Variants in CNTN5 observed in about 807,000 individuals in gnomAD.
The protein encoded by CNTN5 is contactin-5.
CNTN5 carries 77 observed loss-of-function variants against 129.1 expected under a neutral mutation model. The ratio of observed to expected loss-of-function variants is 0.60; its 90% CI spans 0.50 to 0.72. The LOEUF (loss-of-function observed/expected upper bound fraction) is 0.72, where lower values mean the gene tolerates loss of function less well. Ranked by LOEUF, CNTN5 falls within the 30% of genes least tolerant of loss-of-function variation. CNTN5 has a pLI of 0.00. For synonymous variants in CNTN5, 509 were observed against 465.6 expected, an observed-to-expected ratio of 1.09 and a Z score of -1.20; for missense variants, 1,478 against 1,328.8, an observed-to-expected ratio of 1.11 and a Z score of -1.75.
At chr11:100,230,169 GA>G (rs1313024827) in intron 16 of CNTN5, among the ~76,000 whole-genome samples, 3 of 152,086 alleles carry the variant, frequency 2.0e-5, no homozygotes, top group Non-Finnish European at 4.4e-5. Flanking sequence ...CAATATTTTT[GA>G]AAACTATAAA....
intron 6 of CNTN5, among the ~76,000 whole-genome samples, chr11:99,896,478 G>A (rs1006668723): frequency 3.3e-5 from 5 of 152,124 alleles, no homozygotes; most frequent in African/African-American, 1.2e-4. Flanking sequence ...CAGAGGAGTA[G>A]CAGGCACGTG....
chr11:99,109,477 T>C (rs1249080307), intron 1 of CNTN5, among the ~76,000 whole-genome samples: 1 of 152,080 alleles, frequency 6.6e-6, no homozygotes, highest in Non-Finnish European at 1.5e-5. Flanking sequence ...TAAGGGACTT[T>C]CCAAGGTCAC....
At chr11:100,266,013 G>A (rs1049136953) in intron 17 of CNTN5, among the ~76,000 whole-genome samples, 2 of 152,068 alleles carry the variant, frequency 1.3e-5, no homozygotes, top group African/African-American at 4.8e-5. Flanking sequence ...TATTCTATCA[G>A]TGGATATGTC....
At chr11:99,952,260 G>A (rs1950694015) in intron 7 of CNTN5, among the ~76,000 whole-genome samples, 1 of 152,122 alleles carries the variant, frequency 6.6e-6, no homozygotes, top group Non-Finnish European at 1.5e-5. Flanking sequence ...AATAATTGTA[G>A]TGAAAATTTT....
chr11:99,857,676 C>G (rs1354417841), intron 6 of CNTN5, among the ~76,000 whole-genome samples: 1 of 151,928 alleles, frequency 6.6e-6, no homozygotes, highest in Non-Finnish European at 1.5e-5. Context: ...TCTTACATAT[C>G]ATATTCGATG....
At chr11:100,039,361 T>C (rs1942239476) in intron 9 of CNTN5, among the ~76,000 whole-genome samples, 1 of 152,228 alleles carries the variant, frequency 6.6e-6, no homozygotes, top group African/African-American at 2.4e-5. Context: ...TGGGCTTCCC[T>C]TTGAGGGTAA....
chr11:99,374,394 A>G (rs558854232), intron 2 of CNTN5, among the ~76,000 whole-genome samples: 32 of 152,360 alleles, frequency 2.1e-4, no homozygotes, highest in Middle Eastern at 3.4e-3. Context: ...CTACTTAATT[A>G]ACTTCCCTTG....
intron 2 of CNTN5, among the ~76,000 whole-genome samples, chr11:99,341,376 A>G (rs547530715): frequency 6.6e-6 from 1 of 152,296 alleles, no homozygotes; most frequent in South Asian, 2.1e-4. Context: ...ATCTCATTTT[A>G]TATTATTTCA....
chr11:99,579,357 T>G (rs1949487104), intron 3 of CNTN5, among the ~76,000 whole-genome samples: 1 of 151,608 alleles, frequency 6.6e-6, no homozygotes. Flanking sequence ...TTTTTTCCAA[T>G]TCTGTGAAGA....
intron 3 of CNTN5, among the ~76,000 whole-genome samples, chr11:99,640,484 C>T (rs954658914): frequency 6.6e-6 from 1 of 152,182 alleles, no homozygotes; most frequent in Non-Finnish European, 1.5e-5. Context: ...GAAAGACCAG[C>T]CCCCATGATT....
chr11:100,194,696 C>T (rs920114309), intron 15 of CNTN5, among the ~76,000 whole-genome samples: 7 of 151,398 alleles, frequency 4.6e-5, no homozygotes, highest in Admixed American at 1.3e-4. Flanking sequence ...TAAAGCCAGT[C>T]ACATGATTTG....
At chr11:99,144,322 T>C (rs1033672598) in intron 1 of CNTN5, among the ~76,000 whole-genome samples, 4 of 152,238 alleles carry the variant, frequency 2.6e-5, no homozygotes, top group Admixed American at 2.0e-4. Context: ...GGGACTGTTT[T>C]ACTAAATATC....
intron 3 of CNTN5, among the ~76,000 whole-genome samples, chr11:99,771,873 C>T (rs1238865104): frequency 6.6e-6 from 1 of 151,450 alleles, no homozygotes; most frequent in East Asian, 1.9e-4. Context: ...TGGGAAAATT[C>T]CTAAAGAAAG....
chr11:99,707,352 T>TA (rs1283777232), intron 3 of CNTN5, among the ~76,000 whole-genome samples: 2 of 151,480 alleles, frequency 1.3e-5, no homozygotes, highest in Non-Finnish European at 3.0e-5. Flanking sequence ...TAAACTAACC[T>TA]AAAAAAATAA....
intron 2 of CNTN5, among the ~76,000 whole-genome samples, chr11:99,468,805 G>A (rs1945051897): frequency 6.6e-6 from 1 of 150,996 alleles, no homozygotes; most frequent in African/African-American, 2.4e-5. Flanking sequence ...TGCGATCTTG[G>A]CTCACTGCAA....
intron 1 of CNTN5, among the ~76,000 whole-genome samples, chr11:99,181,915 G>T (rs1411838315): frequency 1.3e-5 from 2 of 152,134 alleles, no homozygotes; most frequent in East Asian, 3.9e-4. Context: ...CGCATCTGAG[G>T]TTATATAGCA....
intron 3 of CNTN5, among the ~76,000 whole-genome samples, chr11:99,570,452 C>A (rs1361387022): frequency 6.6e-6 from 1 of 152,080 alleles, no homozygotes; most frequent in Non-Finnish European, 1.5e-5. Flanking sequence ...GTAGTCGTAG[C>A]CTATATACTT....
At chr11:99,101,022 A>C (rs559517486) in intron 1 of CNTN5, among the ~76,000 whole-genome samples, 5 of 152,206 alleles carry the variant, frequency 3.3e-5, no homozygotes, top group Non-Finnish European at 7.3e-5. Flanking sequence ...AAAGAGGTTT[A>C]ATGGACTCAC....
intron 10 of CNTN5, among the ~76,000 whole-genome samples, chr11:100,067,971 T>G (rs1943760284): frequency 6.6e-6 from 1 of 152,180 alleles, no homozygotes; most frequent in Non-Finnish European, 1.5e-5. Flanking sequence ...AATGGATTGT[T>G]TTCTCAGATG....
Sources: gnomAD v4.1 joint callset for allele counts (sites outside exome capture counted in the v4.1 genomes callset) on GRCh38, gnomAD v4.1.1 for gene constraint, MANE v1.5 for transcripts, NCBI Gene and HGNC (gene_info 2026-07-23, HGNC 2026-07-21) for gene names.